Variants in CYP2A13 observed in about 807,000 individuals in gnomAD.
CYP2A13 encodes the protein cytochrome P450 2A13.
CYP2A13 carries 30 observed loss-of-function variants against 39.4 expected under a neutral mutation model. The observed-to-expected ratio is 0.76, with a 90% CI of 0.57 to 1.03. CYP2A13 has a LOEUF of 1.03. CYP2A13 is among the 50% of genes least tolerant of loss of function. CYP2A13 has a pLI of 0.00. For missense variants in CYP2A13, 731 were observed against 648.4 expected, an observed-to-expected ratio of 1.13 and a Z score of -1.38; for synonymous variants, 269 against 254.7, an observed-to-expected ratio of 1.06 and a Z score of -0.54.
In CYP2A13 at chr19:41,089,850, CTCTCTCTCTCTCTCTCTCTCTCGTGCT is replaced by C. The variant is rs1568366712; in HGVS notation, c.344-196_344-170del. Among the ~76,000 whole-genome samples, 35 of 124,706 alleles carry C rather than the reference CTCTCTCTCTCTCTCTCTCTCTCGTGCT, an allele frequency of 2.8e-4. 1 individual carries two copies. Among genetic ancestry groups the C allele is most frequent in the African/African-American group, 9.6e-4 (33 of 34,532 alleles). 81.8% of individuals were successfully genotyped at this position (124,706 alleles called of 152,430 possible). A position where few individuals can be genotyped will look rare whatever the true frequency, so the allele number is the denominator to read the frequency against. On this transcript the variant is annotated intron_variant, in intron 2 of 8. Coordinates refer to ENST00000330436, the MANE Select transcript of CYP2A13 (RefSeq NM_000766.5). ...TCTCTCTCTCTCTCTCTCTCTCTCT[CTCTCTCTCTCTCTCTCTCTCTCGTGCT>C]CTCGTGTTTCTCTGACTGAGTTTGC...
Position 41,095,813 on chromosome 19 carries a change from T to A in CYP2A13, c.1357T>A (p.Phe453Ile), listed in dbSNP as rs2031292822. 1 of 1,614,022 alleles carries A rather than the reference T, an allele frequency of 6.2e-7. No homozygotes were observed. Among genetic ancestry groups the A allele is most frequent in the South Asian group, 1.1e-5 (1 of 91,078 alleles). The change falls in exon 9 of 9, where the codon TTC (phenylalanine) becomes ATC (isoleucine). Residue 453 changes from phenylalanine to isoleucine, a missense_variant. Coordinates refer to ENST00000330436, the MANE Select transcript of CYP2A13 (RefSeq NM_000766.5). Reference sequence around the variant, plus strand: ...GGCCAGAATGGAGCTCTTTCTCTTCTTCACCACCATCATGCAGAACTTTCG... The same window carrying A: ...GGCCAGAATGGAGCTCTTTCTCTTCATCACCACCATCATGCAGAACTTTCG... ...GLARMELFLFFTTIMQNFRFK... is the reference protein window; with the variant it reads ...GLARMELFLFITTIMQNFRFK...
intron 3 of CYP2A13, 54 bp downstream of exon 3, chr19:41,090,250 A>AT (rs1488269897): frequency 6.4e-7 from 1 of 1,551,328 alleles, no homozygotes; most frequent in Non-Finnish European, 8.7e-7. Flanking sequence ...CTGCCTGGGG[A>AT]TGGGGACTAG....
At chr19:41,091,638 G>T in intron 4 of CYP2A13, 94 bp from the exon 5 acceptor site, 1 of 1,547,254 alleles carries the variant, frequency 6.5e-7, no homozygotes. Flanking sequence ...CTTTAACTCC[G>T]TTCCTTCCTT....
intron 4 of CYP2A13, among the ~76,000 whole-genome samples, chr19:41,091,297 A>G (rs962296087): frequency 6.6e-6 from 1 of 152,052 alleles, no homozygotes; most frequent in Non-Finnish European, 1.5e-5. Flanking sequence ...AAAGCCCCCA[A>G]TCCAGACCCA....
Position 41,095,856 on chromosome 19 carries a change from C to T in CYP2A13, c.1400C>T (p.Ser467Leu), listed in dbSNP as rs779033484. 4 of 1,614,086 alleles carry T rather than the reference C, an allele frequency of 2.5e-6. No homozygotes were observed. The Admixed American group carries it at 6.7e-5, about 27-fold the overall frequency. Reference protein sequence around the residue: ...MQNFRFKSPQSPKDIDVSPKH... With the variant: ...MQNFRFKSPQLPKDIDVSPKH... Reference sequence around the variant, plus strand: ...AACTTTCGCTTCAAGTCCCCTCAGTCGCCTAAGGATATCGACGTGTCCCCC... The same window carrying T: ...AACTTTCGCTTCAAGTCCCCTCAGTTGCCTAAGGATATCGACGTGTCCCCC... The change falls in exon 9 of 9, where the codon TCG (serine) becomes TTG (leucine). Residue 467 changes from serine (S) to leucine (L), a missense_variant. Transcript: ENST00000330436.
In CYP2A13 at chr19:41,090,201, G is replaced by C. The variant is rs770224275; in HGVS notation, c.493+5G>C. 8 of 1,564,818 alleles carry C rather than the reference G, an allele frequency of 5.1e-6. No individual in the cohort carries two copies. In the South Asian group the frequency reaches 9.7e-5, roughly 19 times the overall value. On this transcript the variant is annotated splice_donor_5th_base_variant and intron_variant, in intron 3 of 8. Coordinates refer to ENST00000330436, the MANE Select transcript of CYP2A13 (RefSeq NM_000766.5). ...ACGCCCTCCGGGGCACGCACGGTGA[G>C]TAGGGGACCCCGAGTGCGAGGGCGG...
In CYP2A13 at chr19:41,088,593, C is replaced by T. The variant is rs763601848; in HGVS notation, c.122C>T (p.Pro41Leu). Residue 41 changes from proline (P) to leucine (L), a missense_variant, in exon 1 of 9, where the codon CCC becomes CTC. Pro to Leu is a moderately conservative substitution (Grantham distance 98). Transcript: ENST00000330436. ...GKLPPGPTPL[P>L]FIGNYLQLNT... is the part of the protein sequence containing the mutation. ...CTGCCTCCGGGACCCACCCCATTGC[C>T]CTTCATTGGAAACTACCTGCAGCTG... is the stretch of plus-strand genomic sequence containing the variant. 3.7e-6 allele frequency: 6 copies of T among 1,613,916 alleles called. No individual in the cohort carries two copies. Among genetic ancestry groups the T allele is most frequent in the South Asian group, 2.2e-5 (2 of 91,070 alleles).
intron 3 of CYP2A13, 57 bp from the exon 4 acceptor site, chr19:41,090,347 T>A: frequency 1.2e-5 from 19 of 1,608,802 alleles, no homozygotes; most frequent in Non-Finnish European, 1.6e-5. Context: ...ATTCTGACTC[T>A]CCTCAGACCT....
intron 7 of CYP2A13, 78 bp downstream of exon 7, chr19:41,094,510 C>A: frequency 6.5e-7 from 1 of 1,543,242 alleles, no homozygotes; most frequent in South Asian, 1.1e-5. Flanking sequence ...AATCCTGCCC[C>A]CATTAGTGTT....
chr19:41,095,693 G>T (rs576397791), intron 8 of CYP2A13, 67 bp from the exon 9 acceptor site: 2 of 1,587,608 alleles, frequency 1.3e-6, no homozygotes, highest in African/African-American at 1.3e-5. Flanking sequence ...GCAGCCGGGG[G>T]TCAGTAGGGG....
chr19:41,092,515 T>C (rs1217331794), intron 5 of CYP2A13, among the ~76,000 whole-genome samples: 6 of 152,030 alleles, frequency 3.9e-5, no homozygotes, highest in South Asian at 2.1e-4. Flanking sequence ...TTATAACAGC[T>C]CTTGAAGGAG....
chr19:41,090,135 C>T lies in CYP2A13; in HGVS notation c.432C>T (p.Gly144=). The T allele has an allele frequency of 6.2e-7, 1 of 1,605,614 alleles. No homozygotes were observed. Among genetic ancestry groups the T allele is most frequent in the Non-Finnish European group, 8.5e-7 (1 of 1,175,432 alleles). ...GGGGTTTTGGCGTGGGCAAGCGCGG[C>T]ATCGAGGAACGCATCCAGGAGGAGG... is the stretch of plus-strand genomic sequence containing the variant. ...TLRGFGVGKR[G]IEERIQEEAG... Residue 144 remains glycine, a synonymous_variant, in exon 3 of 9, where the codon GGC becomes GGT. Coordinates refer to ENST00000330436, the MANE Select transcript of CYP2A13 (RefSeq NM_000766.5).
In CYP2A13 at chr19:41,090,166, T is replaced by C. The variant is rs532238603; in HGVS notation, c.463T>C (p.Phe155Leu). 8 of 1,590,034 alleles carry C rather than the reference T, an allele frequency of 5.0e-6. No homozygotes were observed. In the East Asian group the frequency reaches 1.1e-4, roughly 22 times the overall value. The change falls in exon 3 of 9, where the codon TTC becomes CTC. Residue 155 changes from phenylalanine to leucine, a missense_variant. Physicochemically the swap from Phe to Leu is conservative, Grantham distance 22. Transcript: ENST00000330436. ...IEERIQEEAG[F>L]LIDALRGTHG... The stretch of plus-strand genomic sequence containing the variant: ...GGAACGCATCCAGGAGGAGGCGGGC[T>C]TCCTCATCGACGCCCTCCGGGGCAC...
intron 2 of CYP2A13, 60 bp from the exon 3 acceptor site, chr19:41,089,987 G>A (rs940102144): frequency 1.1e-4 from 169 of 1,531,580 alleles, no homozygotes; most frequent in Non-Finnish European, 1.4e-4. Flanking sequence ...CCTTGGAGCT[G>A]GTCCGCTCCT....
chr19:41,089,727 C>CCGTA (rs930496084), intron 2 of CYP2A13, among the ~76,000 whole-genome samples: 3 of 151,814 alleles, frequency 2.0e-5, no homozygotes, highest in African/African-American at 7.3e-5. Flanking sequence ...TGGAGTATCC[C>CCGTA]CGTATCCCTC....
chr19:41,092,853 A>G (rs1346296827), intron 5 of CYP2A13, among the ~76,000 whole-genome samples: 1 of 152,198 alleles, frequency 6.6e-6, no homozygotes, highest in Non-Finnish European at 1.5e-5. Flanking sequence ...AGTAAGTTTC[A>G]AGATTTTTAG....
intron 2 of CYP2A13, among the ~76,000 whole-genome samples, chr19:41,089,341 T>G (rs1371076597): frequency 2.0e-5 from 3 of 152,052 alleles, no homozygotes; most frequent in African/African-American, 7.2e-5. Flanking sequence ...GTCTCCTCTT[T>G]CCCCTCTCTC....
intron 8 of CYP2A13, 100 bp downstream of exon 8, chr19:41,095,200 T>G (rs2031278568): frequency 1.4e-5 from 22 of 1,609,422 alleles, no homozygotes; most frequent in Non-Finnish European, 1.9e-5. Context: ...TTTCTCCAGC[T>G]TGGAAGTTCC....
intron 1 of CYP2A13, 70 bp downstream of exon 1, chr19:41,088,721 G>T (rs1338406174): frequency 1.9e-6 from 3 of 1,574,998 alleles, no homozygotes; most frequent in Non-Finnish European, 1.7e-6. Flanking sequence ...TTGTGGCAGG[G>T]GATTGACCAG....
Sources: allele counts gnomAD v4.1 joint callset (sites outside exome capture counted in the v4.1 genomes callset), GRCh38; gene constraint gnomAD v4.1.1; transcripts MANE v1.5; gene names NCBI Gene and HGNC (gene_info 2026-07-23, HGNC 2026-07-21).